CSMD1: variants seen among roughly 807,000 people sequenced by gnomAD.
CSMD1 encodes the protein CUB and Sushi multiple domains 1.
CSMD1 carries 213 observed loss-of-function variants against 417.5 expected under a neutral mutation model. The ratio of observed to expected loss-of-function variants is 0.51; its 90% CI spans 0.46 to 0.57. The LOEUF (loss-of-function observed/expected upper bound fraction) is 0.57, where lower values mean the gene tolerates loss of function less well. Ranked by LOEUF, CSMD1 falls within the 20% of genes least tolerant of loss-of-function variation. CSMD1 has a pLI of 0.00. For synonymous variants in CSMD1, 2,862 were observed against 1,736.8 expected (o/e 1.65, Z -16.11); for missense variants, 6,923 against 4,529.7 (o/e 1.53, Z -15.17).
intron 2 of CSMD1, among the ~76,000 whole-genome samples, chr8:4,496,636 C>T (rs759996853): frequency 6.6e-6 from 1 of 152,184 alleles, no homozygotes; most frequent in Admixed American, 6.5e-5. Context: ...CTCTCCCTGT[C>T]TCATAGCTCC....
intron 3 of CSMD1, among the ~76,000 whole-genome samples, chr8:4,323,981 G>A (rs1029095658): frequency 3.3e-5 from 5 of 152,152 alleles, no homozygotes; most frequent in Non-Finnish European, 4.4e-5. Flanking sequence ...GCTGCCTCAA[G>A]GACTTCACTG....
chr8:4,985,161 G>A (rs574703697), intron 1 of CSMD1, among the ~76,000 whole-genome samples: 2 of 152,126 alleles, frequency 1.3e-5, no homozygotes, highest in Admixed American at 1.3e-4. Flanking sequence ...GCAAAATGAT[G>A]AGAACACATG....
chr8:4,479,194 G>A (rs1414661846), intron 2 of CSMD1, among the ~76,000 whole-genome samples: 1 of 152,144 alleles, frequency 6.6e-6, no homozygotes, highest in Non-Finnish European at 1.5e-5. Flanking sequence ...ACCTTGAAAT[G>A]TCTTCAGAGC....
At chr8:3,613,904 G>C (rs185166814) in intron 8 of CSMD1, among the ~76,000 whole-genome samples, 76 of 152,070 alleles carry the variant, frequency 5.0e-4, no homozygotes, top group African/African-American at 1.3e-3. Flanking sequence ...TTGTAAAATA[G>C]TTTCTTACCA....
chr8:4,516,219 G>C (rs186086342), intron 2 of CSMD1, among the ~76,000 whole-genome samples: 1 of 152,126 alleles, frequency 6.6e-6, no homozygotes, highest in Non-Finnish European at 1.5e-5. Context: ...ACAGAGGGAA[G>C]ACCACGTGAG....
intron 1 of CSMD1, among the ~76,000 whole-genome samples, chr8:4,975,812 T>C (rs1217886701): frequency 6.7e-6 from 1 of 149,072 alleles, no homozygotes; most frequent in East Asian, 2.1e-4. Context: ...TGTATGCATT[T>C]TTTTTGCAAT....
intron 46 of CSMD1, among the ~76,000 whole-genome samples, chr8:3,101,590 T>A (rs1441522075): frequency 6.7e-6 from 1 of 150,210 alleles, no homozygotes; most frequent in African/African-American, 2.4e-5. Flanking sequence ...GCCTGGCTAA[T>A]TTTTTTTTGT....
intron 1 of CSMD1, among the ~76,000 whole-genome samples, chr8:4,916,143 A>G (rs1806053669): frequency 6.6e-6 from 1 of 152,238 alleles, no homozygotes; most frequent in African/African-American, 2.4e-5. Context: ...AAGATAACTC[A>G]GGGCATAAAA....
In CSMD1 at chr8:3,407,722, T is replaced by C. The variant is rs73657839; in HGVS notation, c.2071+177A>G. On this transcript the variant is annotated intron_variant, in intron 14 of 69. Coordinates refer to ENST00000635120, the MANE Select transcript of CSMD1 (RefSeq NM_033225.6). ...GAAGCCACCTATCTAAATACAGTGATACATTTGTTTTTAAGTTTTCAGGAT... is the reference window on the plus strand; with the variant it reads ...GAAGCCACCTATCTAAATACAGTGACACATTTGTTTTTAAGTTTTCAGGAT... Among the ~76,000 whole-genome samples, 487 of 152,318 alleles carry C rather than the reference T, an allele frequency of 3.2e-3. 3 individuals are homozygous for C. Among genetic ancestry groups the C allele is most frequent in the African/African-American group, 0.011 (463 of 41,568 alleles).
In CSMD1 at chr8:4,262,841, T is replaced by C. The variant is rs573040476; in HGVS notation, c.415+157112A>G. ...AGAATTTTCTAAGCCTTGGCTTTAA[T>C]CAAAACTGTCTTTTAAGCCAATAAA... On this transcript the variant is annotated intron_variant, in intron 3 of 69. Transcript: ENST00000635120. Among the ~76,000 whole-genome samples the C allele has an allele frequency of 3.9e-5, 6 of 152,290 alleles. No individual in the cohort carries two copies. The South Asian group carries it at 1.2e-3, about 32-fold the overall frequency.
intron 11 of CSMD1, among the ~76,000 whole-genome samples, chr8:3,475,199 G>C (rs1817335599): frequency 6.6e-6 from 1 of 151,962 alleles, no homozygotes; most frequent in South Asian, 2.1e-4. Flanking sequence ...TAGGATTTTT[G>C]CCTCTAGGTC....
intron 3 of CSMD1, among the ~76,000 whole-genome samples, chr8:4,270,289 C>G (rs528402885): frequency 6.6e-6 from 1 of 152,098 alleles, no homozygotes; most frequent in African/African-American, 2.4e-5. Context: ...CTACAGTTAC[C>G]TTCTTCCCAG....
At chr8:3,568,623 G>C (rs899901538) in intron 10 of CSMD1, among the ~76,000 whole-genome samples, 2 of 152,058 alleles carry the variant, frequency 1.3e-5, no homozygotes, top group African/African-American at 4.8e-5. Context: ...ATATGTATTT[G>C]AGAGCTATAT....
chr8:3,580,731 G>A (rs1455515155), intron 9 of CSMD1, among the ~76,000 whole-genome samples: 1 of 152,162 alleles, frequency 6.6e-6, no homozygotes, highest in Non-Finnish European at 1.5e-5. Context: ...CTCTGAGACA[G>A]TGGTTACCTG....
At chr8:4,312,249 ATCCT>A (rs1344372162) in intron 3 of CSMD1, among the ~76,000 whole-genome samples, 1 of 151,704 alleles carries the variant, frequency 6.6e-6, no homozygotes, top group Non-Finnish European at 1.5e-5. Flanking sequence ...TCATATTGCA[ATCCT>A]AATTTATTGG....
At chr8:4,038,434 C>A (rs542879996) in intron 3 of CSMD1, among the ~76,000 whole-genome samples, 1 of 152,086 alleles carries the variant, frequency 6.6e-6, no homozygotes. Flanking sequence ...CACACAGACA[C>A]AAATATTACC....
chr8:3,537,057 G>A (rs1227430556), intron 10 of CSMD1, among the ~76,000 whole-genome samples: 1 of 151,924 alleles, frequency 6.6e-6, no homozygotes, highest in Non-Finnish European at 1.5e-5. Flanking sequence ...GGGCTGGAGT[G>A]CAGTGGCACT....
chr8:4,021,417 G>C (rs933839599), intron 4 of CSMD1, among the ~76,000 whole-genome samples: 1 of 152,162 alleles, frequency 6.6e-6, no homozygotes, highest in Admixed American at 6.5e-5. Flanking sequence ...TGTGTTATAT[G>C]TTGAGTGGAC....
intron 1 of CSMD1, among the ~76,000 whole-genome samples, chr8:4,715,290 G>A (rs1808582287): frequency 6.6e-6 from 1 of 152,140 alleles, no homozygotes. Flanking sequence ...GTTACTTAAA[G>A]CTAATTTGAC....
Sources: allele counts gnomAD v4.1 joint callset (sites outside exome capture counted in the v4.1 genomes callset), GRCh38; gene constraint gnomAD v4.1.1; transcripts MANE v1.5; gene names NCBI Gene and HGNC (gene_info 2026-07-23, HGNC 2026-07-21).